HACD1: variants seen among roughly 807,000 people sequenced by gnomAD.
HACD1 encodes very-long-chain (3R)-3-hydroxyacyl-CoA dehydratase 1.
Under a neutral mutation model 32.0 loss-of-function variants are expected in HACD1, and 41 were observed. That is an observed-to-expected ratio of 1.28 (90% CI 1.00 to 1.66). HACD1 has a LOEUF of 1.66. Among genes scored for constraint, HACD1 ranks in the 40% most tolerant of loss-of-function variants. The pLI is 0.00. For missense variants in HACD1, 396 were observed against 380.1 expected (o/e 1.04, Z -0.35); for synonymous variants, 142 against 139.0 (o/e 1.02, Z -0.15).
At position 17,589,800 on chromosome 10, in the gene HACD1, GA is replaced by G. The variant is rs2131499368; in HGVS notation, c.*563del. ...TATTTTCCAACTGTGACATCTACTT[GA>G]ATATTTGTGTGTTTTTATGCTGCTA... On this transcript the variant is annotated 3_prime_UTR_variant, in exon 7 of 7. Transcript: ENST00000361271. 6.6e-6 allele frequency: 1 copy of G among 152,196 alleles called. No individual in the cohort carries two copies. The highest frequency in any genetic ancestry group is 2.1e-4 in the South Asian group (1 of 4,822). The allele number at this position is 152,196 out of a possible 1,614,324, so 9.4% of individuals were successfully genotyped here. A position where few individuals can be genotyped will look rare whatever the true frequency, so the allele number is the denominator to read the frequency against.
At chr10:17,597,994 T>C (rs1377952415) in intron 5 of HACD1, among the ~76,000 whole-genome samples, 1 of 152,100 alleles carries the variant, frequency 6.6e-6, no homozygotes, top group Non-Finnish European at 1.5e-5. Flanking sequence ...GCGCAGTGGC[T>C]CACACCTGTA....
chr10:17,599,199 G>A (rs1264721521), intron 5 of HACD1, 91 bp downstream of exon 5: 1 of 1,541,122 alleles, frequency 6.5e-7, no homozygotes, highest in Middle Eastern at 1.7e-4. Flanking sequence ...TGGCATCGTG[G>A]GGCTGAAACA....
intron 1 of HACD1, 56 bp downstream of exon 1, chr10:17,617,027 A>G: frequency 4.5e-6 from 6 of 1,341,772 alleles, no homozygotes; most frequent in Non-Finnish European, 5.7e-6. Flanking sequence ...CTGAACCCGG[A>G]ACCTCCGCGG....
chr10:17,610,999 CTTTTTTTT>C (rs71393021), intron 1 of HACD1, among the ~76,000 whole-genome samples: 1 of 103,016 alleles, frequency 9.7e-6, no homozygotes, highest in African/African-American at 4.0e-5. Flanking sequence ...AGGTCCTCTT[CTTTTTTTT>C]TTTTTTTTTT....
chr10:17,589,764 T>G lies in HACD1; in HGVS notation c.*600A>C, dbSNP rs2131499340. On this transcript the variant is annotated 3_prime_UTR_variant, in exon 7 of 7. Transcript: ENST00000361271. ...AAGTAATTTCAGCTGCCTAGAAATA[T>G]TTCCAAAGAATATTTTCCAACTGTG... 1 of 152,340 alleles carries G rather than the reference T, an allele frequency of 6.6e-6. No individual in the cohort carries two copies. The highest frequency in any genetic ancestry group is 1.9e-4 in the East Asian group (1 of 5,186). The allele number at this position is 152,340 out of a possible 1,614,324, so 9.4% of individuals were successfully genotyped here. A position where few individuals can be genotyped will look rare whatever the true frequency, so the allele number is the denominator to read the frequency against.
intron 6 of HACD1, among the ~76,000 whole-genome samples, chr10:17,591,826 C>T (rs945031599): frequency 1.5e-4 from 15 of 98,254 alleles, no homozygotes; most frequent in Admixed American, 9.0e-4. Flanking sequence ...GTTACCATCA[C>T]ATTATATATA....
chr10:17,613,044 A>T (rs1833013479), intron 1 of HACD1, among the ~76,000 whole-genome samples: 1 of 151,832 alleles, frequency 6.6e-6, no homozygotes, highest in Non-Finnish European at 1.5e-5. Context: ...TTTTACATTT[A>T]TGTAAAATTT....
chr10:17,610,289 G>C (rs977824412), intron 1 of HACD1, among the ~76,000 whole-genome samples: 49 of 152,116 alleles, frequency 3.2e-4, no homozygotes, highest in Non-Finnish European at 7.1e-4. Flanking sequence ...TGAACCTTGG[G>C]TTTCTTGTTC....
At position 17,594,204 on chromosome 10, in the gene HACD1, C is replaced by T. The variant is rs1296324661; in HGVS notation, c.784+1G>A. 6.7e-7 allele frequency: 1 copy of T among 1,482,278 alleles called. No homozygotes were observed. Among genetic ancestry groups the T allele is most frequent in the Non-Finnish European group, 9.0e-7 (1 of 1,106,032 alleles). The allele number at this position is 1,482,278 out of a possible 1,614,324, so 91.8% of individuals were successfully genotyped here. A position where few individuals can be genotyped will look rare whatever the true frequency, so the allele number is the denominator to read the frequency against. On this transcript the variant is annotated splice_donor_variant, in intron 6 of 6. Coordinates refer to ENST00000361271, the MANE Select transcript of HACD1 (RefSeq NM_014241.4). LOFTEE classifies it high-confidence loss of function. ...CAAAGTACTAATAAGTATATACTTACAAGGTATATATGATGCCATGGTTAT... is the reference window on the plus strand; with the variant it reads ...CAAAGTACTAATAAGTATATACTTATAAGGTATATATGATGCCATGGTTAT...
At position 17,612,130 on chromosome 10, in the gene HACD1, A is replaced by C. The variant is rs930889664; in HGVS notation, c.257+4953T>G. ...CAAAAAAAAAAAAAAAAAAAAAAAA[A>C]CCCTAAAAAATCCTTACATCCTTTA... is the stretch of plus-strand genomic sequence containing the variant. On this transcript the variant is annotated intron_variant, in intron 1 of 6. Coordinates refer to ENST00000361271, the MANE Select transcript of HACD1 (RefSeq NM_014241.4). Among the ~76,000 whole-genome samples, 10 of 134,510 alleles carry C rather than the reference A, an allele frequency of 7.4e-5. No individual in the cohort carries two copies. In the South Asian group the frequency reaches 2.1e-3, roughly 29 times the overall value. 88.2% of individuals were successfully genotyped at this position (134,510 alleles called of 152,430 possible).
At chr10:17,611,884 A>G (rs182324611) in intron 1 of HACD1, among the ~76,000 whole-genome samples, 4,662 of 151,850 alleles carry the variant, frequency 0.031, 91 homozygotes, top group Non-Finnish European at 0.045. Context: ...GGAGAATGGC[A>G]TGAACCCGGG....
At chr10:17,604,749 T>C (rs958849729) in intron 1 of HACD1, among the ~76,000 whole-genome samples, 5 of 152,196 alleles carry the variant, frequency 3.3e-5, no homozygotes, top group African/African-American at 1.2e-4. Context: ...TCTGTCACCC[T>C]GGCTGAAGGG....
At position 17,599,331 on chromosome 10, in the gene HACD1, G is replaced by T; in HGVS notation, c.564C>A (p.Phe188Leu). The stretch of plus-strand genomic sequence containing the variant: ...AGTATGGCAAGTGGTCAAGAAGGCT[G>T]AATGTGTAGAAGGAATAGCGAGTGA... ...TEITRYSFYT[F>L]SLLDHLPYFI... The change falls in exon 5 of 7, where the codon TTC becomes TTA. Residue 188 changes from phenylalanine to leucine, a missense_variant. Transcript: ENST00000361271. 2 of 1,613,998 alleles carry T rather than the reference G, an allele frequency of 1.2e-6. No homozygotes were observed. Among genetic ancestry groups the T allele is most frequent in the Middle Eastern group, 1.6e-4 (1 of 6,062 alleles).
In HACD1 at chr10:17,617,314, G is replaced by T. The variant is rs782479654; in HGVS notation, c.26C>A (p.Ala9Glu). MGRLTEAA[A>E]AGSGSRAAGW... ...TGCAGCCCGAGAGCCGCTGCCCGCT[G>T]CCGCCGCTTCCGTCAGGCGCCCCAT... is the stretch of plus-strand genomic sequence containing the variant. The change falls in exon 1 of 7, where the codon GCA becomes GAA. Residue 9 changes from alanine (A) to glutamate (E), a missense_variant. Transcript: ENST00000361271. 3.5e-6 allele frequency: 5 copies of T among 1,439,840 alleles called. No individual in the cohort carries two copies. In the South Asian group the frequency reaches 7.0e-5, roughly 20 times the overall value. The allele number at this position is 1,439,840 out of a possible 1,614,324, so 89.2% of individuals were successfully genotyped here.
chr10:17,616,577 G>A (rs1185256787), intron 1 of HACD1, among the ~76,000 whole-genome samples: 2 of 151,434 alleles, frequency 1.3e-5, no homozygotes, highest in Non-Finnish European at 2.9e-5. Flanking sequence ...GGAGCTCCAC[G>A]CTGGGATAAG....
chr10:17,594,362 T>G lies in HACD1; in HGVS notation c.627A>C (p.Leu209Phe), dbSNP rs373951588. 6.8e-7 allele frequency: 1 copy of G among 1,479,334 alleles called. No homozygotes were observed. The highest frequency in any genetic ancestry group is 9.0e-7 in the Non-Finnish European group (1 of 1,111,068). The allele number at this position is 1,479,334 out of a possible 1,614,324, so 91.6% of individuals were successfully genotyped here. ...KWARYNFFIILYPVGVAGELL... is the reference protein window; with the variant it reads ...KWARYNFFIIFYPVGVAGELL... ...GTTCACCAGCAACTCCAACAGGATA[T>G]AAGATGATAAAAAAATTATATCTGG... The change falls in exon 6 of 7, where the codon TTA becomes TTC. Residue 209 changes from leucine (L) to phenylalanine (F), a missense_variant. By Grantham distance (22) the Leu-to-Phe change is conservative. Coordinates refer to ENST00000361271, the MANE Select transcript of HACD1 (RefSeq NM_014241.4).
At chr10:17,595,007 C>T (rs1294890782) in intron 5 of HACD1, among the ~76,000 whole-genome samples, 2 of 151,912 alleles carry the variant, frequency 1.3e-5, no homozygotes, top group African/African-American at 2.4e-5. Context: ...TACAGGCGCC[C>T]GCCACCACGC....
intron 6 of HACD1, among the ~76,000 whole-genome samples, chr10:17,592,353 CT>C (rs1201630431): frequency 3.6e-4 from 55 of 152,148 alleles, no homozygotes; most frequent in African/African-American, 1.3e-3. Context: ...AATACTACTA[CT>C]TTTGAATACT....
At chr10:17,611,299 A>C (rs1834232573) in intron 1 of HACD1, among the ~76,000 whole-genome samples, 1 of 152,140 alleles carries the variant, frequency 6.6e-6, no homozygotes, top group South Asian at 2.1e-4. Flanking sequence ...GCCCGGCCCA[A>C]GCCCTCTTCT....
Sources: allele counts gnomAD v4.1 joint callset (sites outside exome capture counted in the v4.1 genomes callset), GRCh38; gene constraint gnomAD v4.1.1; transcripts MANE v1.5; gene names NCBI Gene and HGNC (gene_info 2026-07-23, HGNC 2026-07-21).